The following CD80 variants were observed in gnomAD, a reference collection of about 807,000 sequenced individuals.
The protein encoded by CD80 is CD80 molecule.
A neutral mutation model predicts 27.1 loss-of-function variants in CD80; 13 were observed. The ratio of observed to expected loss-of-function variants is 0.48; its 90% CI spans 0.31 to 0.76. The LOEUF (loss-of-function observed/expected upper bound fraction) is 0.76. Ranked by LOEUF, CD80 falls within the 30% of genes least tolerant of loss-of-function variation. The pLI, the probability that CD80 is intolerant of heterozygous loss-of-function variation, is 0.04. For missense variants in CD80, 277 were observed against 347.9 expected, an observed-to-expected ratio of 0.80 and a Z score of 1.62; for synonymous variants, 125 against 125.5, an observed-to-expected ratio of 1.00 and a Z score of 0.03.
chr3:119,538,387 C>T (rs186396038), intron 3 of CD80, among the ~76,000 whole-genome samples: 15 of 152,182 alleles, frequency 9.9e-5, no homozygotes, highest in Middle Eastern at 3.4e-3. Context: ...TAAACTATAG[C>T]GAACGCCTGA....
chr3:119,538,011 T>G (rs2082148550), intron 3 of CD80, among the ~76,000 whole-genome samples: 1 of 152,184 alleles, frequency 6.6e-6, no homozygotes, highest in Non-Finnish European at 1.5e-5. Flanking sequence ...TACTTGCAAT[T>G]GTAAGAGATG....
At chr3:119,544,038 C>T (rs2082185843) in intron 3 of CD80, among the ~76,000 whole-genome samples, 1 of 151,944 alleles carries the variant, frequency 6.6e-6, no homozygotes, top group Admixed American at 6.6e-5. Flanking sequence ...CAGGAATGCG[C>T]CACCACATCT....
At chr3:119,545,375 T>A (rs1204421719) in intron 2 of CD80, among the ~76,000 whole-genome samples, 2 of 152,032 alleles carry the variant, frequency 1.3e-5, no homozygotes, top group Non-Finnish European at 2.9e-5. Context: ...TAACATAAAA[T>A]TTATCATCTT....
At chr3:119,558,987 T>C (rs1448232128) in intron 1 of CD80, among the ~76,000 whole-genome samples, 1 of 152,132 alleles carries the variant, frequency 6.6e-6, no homozygotes, top group Non-Finnish European at 1.5e-5. Context: ...CATATTGTTT[T>C]ATTAGCCATC....
In CD80 at chr3:119,544,671, G is replaced by C. The variant is rs116944420; in HGVS notation, c.297C>G (p.Leu99=). ...GGCGCAGAGCCAGGATCACAATGGA[G>C]AGGTTATTAGTGATATCAAAGATGG... ...NRTIFDITNN[L]SIVILALRPS... is the part of the protein sequence containing the mutation. The change falls in exon 3 of 7, where the codon CTC becomes CTG. Residue 99 remains leucine (L), a synonymous_variant. Coordinates refer to ENST00000264246, the MANE Select transcript of CD80 (RefSeq NM_005191.4). The C allele has an allele frequency of 4.2e-4, 677 of 1,614,134 alleles. 4 individuals carry two copies. In the East Asian group the frequency reaches 0.01, roughly 24 times the overall value.
intron 1 of CD80, among the ~76,000 whole-genome samples, chr3:119,559,165 T>C (rs2082279686): frequency 6.6e-6 from 1 of 152,216 alleles, no homozygotes; most frequent in Non-Finnish European, 1.5e-5. Context: ...ACTAGAATTT[T>C]ACTGGCTTGA....
intron 3 of CD80, among the ~76,000 whole-genome samples, chr3:119,538,760 G>A (rs905599148): frequency 2.6e-5 from 4 of 152,174 alleles, no homozygotes; most frequent in African/African-American, 9.7e-5. Flanking sequence ...TCGTTGGAAA[G>A]GGTCTAGATG....
rs181593038 is a variant in CD80 at position 119,549,270 on chromosome 3, A to G, written c.101-4403T>C. 1.4e-4 allele frequency among the ~76,000 whole-genome samples: 21 copies of G among 152,310 alleles called. 1 individual carries two copies. Among genetic ancestry groups the G allele is most frequent in the Admixed American group, 4.6e-4 (7 of 15,296 alleles). The stretch of plus-strand genomic sequence containing the variant: ...TTTGCTAAAAGAGTTTTTATTTAAA[A>G]TATTCTGTTCATTTCTCCATCCACA... On this transcript the variant is annotated intron_variant, in intron 2 of 6. Transcript: ENST00000264246.
At chr3:119,552,564 G>A (rs1351645663) in intron 2 of CD80, among the ~76,000 whole-genome samples, 1 of 149,198 alleles carries the variant, frequency 6.7e-6, no homozygotes, top group African/African-American at 2.5e-5. Context: ...CTCAATCTAG[G>A]CCAGGCACCC....
chr3:119,550,567 T>C (rs11916142), intron 2 of CD80, among the ~76,000 whole-genome samples: 1,980 of 152,310 alleles, frequency 0.013, 42 homozygotes, highest in African/African-American at 0.045. Context: ...TTTTAGGGAC[T>C]CCATCACACA....
chr3:119,528,155 A>C (rs570266627), intron 5 of CD80, among the ~76,000 whole-genome samples: 31 of 152,160 alleles, frequency 2.0e-4, no homozygotes, highest in Non-Finnish European at 4.3e-4. Context: ...CTTGCCCAAA[A>C]TGCCAATAAT....
At chr3:119,540,866 T>C (rs983987008) in intron 3 of CD80, among the ~76,000 whole-genome samples, 7 of 151,978 alleles carry the variant, frequency 4.6e-5, no homozygotes, top group African/African-American at 1.7e-4. Context: ...CTGGACAACA[T>C]AGTGAAACCT....
intron 2 of CD80, among the ~76,000 whole-genome samples, chr3:119,547,062 C>T (rs1302646830): frequency 1.3e-5 from 2 of 152,204 alleles, no homozygotes; most frequent in East Asian, 3.8e-4. Context: ...GCTCTCAGGA[C>T]TGCCTACTTC....
intron 3 of CD80, among the ~76,000 whole-genome samples, chr3:119,542,041 A>G (rs2082171989): frequency 6.7e-6 from 1 of 149,510 alleles, no homozygotes; most frequent in Non-Finnish European, 1.5e-5. Flanking sequence ...ATACAGGCTA[A>G]TATATTTGTG....
intron 3 of CD80, among the ~76,000 whole-genome samples, chr3:119,544,090 G>T (rs917597812): frequency 6.6e-6 from 1 of 151,610 alleles, no homozygotes. Flanking sequence ...GTTTCGCTAT[G>T]TTGGCCAGGC....
At position 119,544,750 on chromosome 3, in the gene CD80, A is replaced by G; in HGVS notation, c.218T>C (p.Val73Ala). ...RIYWQKEKKM[V>A]LTMMSGDMNI... is the part of the protein sequence containing the mutation. ...CATGTCCCCAGACATCATAGTCAGC[A>G]CCATTTTCTTCTCCTTTTGCCAGTA... is the stretch of plus-strand genomic sequence containing the variant. Residue 73 changes from valine (V) to alanine (A), a missense_variant, in exon 3 of 7, where the codon GTG becomes GCG. Val to Ala is a moderately conservative substitution (Grantham distance 64). Coordinates refer to ENST00000264246, the MANE Select transcript of CD80 (RefSeq NM_005191.4). The G allele has an allele frequency of 1.2e-6, 2 of 1,614,166 alleles. No individual in the cohort carries two copies. Among genetic ancestry groups the G allele is most frequent in the Non-Finnish European group, 8.5e-7 (1 of 1,180,024 alleles).
At chr3:119,547,446 C>A (rs2082208068) in intron 2 of CD80, among the ~76,000 whole-genome samples, 1 of 152,206 alleles carries the variant, frequency 6.6e-6, no homozygotes, top group South Asian at 2.1e-4. Context: ...CTGTTTCCCT[C>A]TAGCTTCTAC....
intron 1 of CD80, among the ~76,000 whole-genome samples, chr3:119,558,362 C>G (rs1345964672): frequency 1.3e-5 from 2 of 152,136 alleles, no homozygotes; most frequent in African/African-American, 4.8e-5. Flanking sequence ...TTTAAACCCT[C>G]TACTCAAATA....
chr3:119,532,074 C>A (rs779509136), intron 4 of CD80, among the ~76,000 whole-genome samples: 10 of 152,206 alleles, frequency 6.6e-5, no homozygotes, highest in Admixed American at 3.3e-4. Context: ...TTGTTGCACT[C>A]CGTTTTCTCT....
Sources: gnomAD v4.1 joint callset for allele counts (sites outside exome capture counted in the v4.1 genomes callset) on GRCh38, gnomAD v4.1.1 for gene constraint, MANE v1.5 for transcripts, NCBI Gene and HGNC (gene_info 2026-07-23, HGNC 2026-07-21) for gene names.